Variants in SPAG16 observed in about 807,000 individuals in gnomAD.
The protein encoded by SPAG16 is sperm associated antigen 16, also known as sperm-associated antigen 16 protein.
In SPAG16, 86 loss-of-function variants were observed where a neutral mutation model predicts 80.4. The ratio of observed to expected loss-of-function variants is 1.07; its 90% CI spans 0.90 to 1.28. The LOEUF (loss-of-function observed/expected upper bound fraction) is 1.28, where lower values mean the gene tolerates loss of function less well. SPAG16 is among the 50% of genes most tolerant of loss of function. The pLI is 0.00. For missense variants in SPAG16, 870 were observed against 765.3 expected (o/e 1.14, Z -1.61); for synonymous variants, 294 against 265.9 (o/e 1.11, Z -1.03).
intron 11 of SPAG16, among the ~76,000 whole-genome samples, chr2:213,919,387 A>T (rs947284324): frequency 6.6e-6 from 1 of 152,058 alleles, no homozygotes; most frequent in Non-Finnish European, 1.5e-5. Context: ...AGGTTGATAA[A>T]TTGAGATCTT....
chr2:214,306,494 A>G (rs967080949), intron 15 of SPAG16, among the ~76,000 whole-genome samples: 4 of 152,174 alleles, frequency 2.6e-5, no homozygotes, highest in Admixed American at 2.6e-4. Flanking sequence ...CTCATTCAGT[A>G]TGATGTTGGC....
chr2:213,634,379 C>A (rs531505391), intron 10 of SPAG16, among the ~76,000 whole-genome samples: 5 of 152,006 alleles, frequency 3.3e-5, no homozygotes, highest in Non-Finnish European at 5.9e-5. Context: ...CTGATTATGT[C>A]TTGACAAGTT....
intron 13 of SPAG16, among the ~76,000 whole-genome samples, chr2:214,085,057 C>T (rs541098461): frequency 6.6e-6 from 1 of 152,232 alleles, no homozygotes; most frequent in East Asian, 1.9e-4. Flanking sequence ...TTACTTCAGT[C>T]TTTAATAAGA....
intron 15 of SPAG16, among the ~76,000 whole-genome samples, chr2:214,325,771 G>T (rs972671702): frequency 1.3e-5 from 2 of 150,304 alleles, no homozygotes; most frequent in African/African-American, 4.9e-5. Context: ...CATAGTATTC[G>T]TATGACATCC....
intron 15 of SPAG16, among the ~76,000 whole-genome samples, chr2:214,278,363 G>A (rs915040753): frequency 2.0e-5 from 3 of 152,184 alleles, no homozygotes; most frequent in Non-Finnish European, 4.4e-5. Context: ...CCAGGTACCT[G>A]ACTTGGAAAT....
chr2:214,063,770 C>T (rs1011921904), intron 13 of SPAG16, among the ~76,000 whole-genome samples: 2 of 152,122 alleles, frequency 1.3e-5, no homozygotes, highest in African/African-American at 2.4e-5. Context: ...TCACCATTTC[C>T]ATGAGGCCAT....
At chr2:213,760,087 C>G (rs2125517458) in intron 10 of SPAG16, among the ~76,000 whole-genome samples, 1 of 152,094 alleles carries the variant, frequency 6.6e-6, no homozygotes, top group South Asian at 2.1e-4. Context: ...GAAGTAGCTT[C>G]CTTCTTTTCA....
At chr2:213,377,666 C>T (rs2066945012) in intron 9 of SPAG16, among the ~76,000 whole-genome samples, 2 of 151,662 alleles carry the variant, frequency 1.3e-5, no homozygotes, top group African/African-American at 2.4e-5. Flanking sequence ...ACTTTTTCCT[C>T]TTACTTTTTC....
intron 4 of SPAG16, among the ~76,000 whole-genome samples, chr2:213,315,368 A>G (rs928416688): frequency 6.6e-6 from 1 of 151,656 alleles, no homozygotes; most frequent in Non-Finnish European, 1.5e-5. Flanking sequence ...TCTGAAGCCA[A>G]CTCTCATCTT....
rs1373585720 is a variant in SPAG16 at position 214,201,788 on chromosome 2, G to A, written c.1720+52522G>A. On this transcript the variant is annotated intron_variant, in intron 15 of 15. Coordinates refer to ENST00000331683, the MANE Select transcript of SPAG16 (RefSeq NM_024532.5). ...TAATGAGTATGCTATTGCCTGAGCT[G>A]CAATGTCAAAAATCACATTTCTTTC... Among the ~76,000 whole-genome samples, 5 of 152,066 alleles carry A rather than the reference G, an allele frequency of 3.3e-5. No homozygotes were observed. In the East Asian group the frequency reaches 7.7e-4, roughly 23 times the overall value.
At chr2:213,601,083 C>T (rs1433073363) in intron 10 of SPAG16, among the ~76,000 whole-genome samples, 2 of 152,080 alleles carry the variant, frequency 1.3e-5, no homozygotes, top group Admixed American at 6.6e-5. Context: ...GCTTGGAGAA[C>T]ATAAAATGGC....
At chr2:214,393,095 T>C (rs1701181950) in intron 15 of SPAG16, among the ~76,000 whole-genome samples, 1 of 152,234 alleles carries the variant, frequency 6.6e-6, no homozygotes, top group Non-Finnish European at 1.5e-5. Context: ...AGAACTTGAT[T>C]TCTTAAACCA....
In SPAG16 at chr2:214,140,519, C is replaced by T. The variant is rs112885051; in HGVS notation, c.1594-8621C>T. Among the ~76,000 whole-genome samples, 601 of 152,048 alleles carry T rather than the reference C, an allele frequency of 4.0e-3. 5 individuals carry two copies. The highest frequency in any genetic ancestry group is 0.014 in the African/African-American group (562 of 41,564). On this transcript the variant is annotated intron_variant, in intron 14 of 15. Transcript: ENST00000331683. ...GTATATCTTTCCTTTTTTGCATTAT[C>T]TATCATTCTGATGGACTTGTATTAC...
At chr2:213,961,585 G>GTTT (rs34367751) in intron 12 of SPAG16, among the ~76,000 whole-genome samples, 53 of 137,324 alleles carry the variant, frequency 3.9e-4, no homozygotes, top group South Asian at 3.8e-3. Context: ...TCTAACCCTA[G>GTTT]TTTTTTTTTT....
At chr2:214,252,265 T>A (rs1055729127) in intron 15 of SPAG16, among the ~76,000 whole-genome samples, 5 of 152,070 alleles carry the variant, frequency 3.3e-5, no homozygotes, top group South Asian at 2.1e-4. Context: ...TCCTTTTTTT[T>A]AATTTTGTAG....
At chr2:214,336,805 A>G (rs907465387) in intron 15 of SPAG16, among the ~76,000 whole-genome samples, 2 of 151,078 alleles carry the variant, frequency 1.3e-5, no homozygotes, top group Admixed American at 1.3e-4. Context: ...ACTTAAAGAA[A>G]GTAATGTAAT....
intron 15 of SPAG16, among the ~76,000 whole-genome samples, chr2:214,403,621 G>A (rs924926511): frequency 6.6e-6 from 1 of 152,072 alleles, no homozygotes; most frequent in African/African-American, 2.4e-5. Context: ...ACCCCATAGG[G>A]TTATTGAAGA....
intron 15 of SPAG16, among the ~76,000 whole-genome samples, chr2:214,259,611 C>T (rs1690986729): frequency 6.6e-6 from 1 of 151,176 alleles, no homozygotes; most frequent in Non-Finnish European, 1.5e-5. Context: ...CACTCTCCTT[C>T]ACTCTCCACC....
intron 10 of SPAG16, among the ~76,000 whole-genome samples, chr2:213,819,945 T>TC (rs1408775734): frequency 1.3e-5 from 2 of 150,562 alleles, no homozygotes; most frequent in Non-Finnish European, 3.0e-5. Flanking sequence ...TTTCGTGTTT[T>TC]TTTTTTTTTT....
Sources: gnomAD v4.1 joint callset for allele counts (sites outside exome capture counted in the v4.1 genomes callset) on GRCh38, gnomAD v4.1.1 for gene constraint, MANE v1.5 for transcripts, NCBI Gene and HGNC (gene_info 2026-07-23, HGNC 2026-07-21) for gene names.